Variants in ITPK1 observed in about 807,000 individuals in gnomAD.
ITPK1 encodes inositol-tetrakisphosphate 1-kinase, also known as inositol 1,3,4-trisphosphate 5/6-kinase.
ITPK1 carries 21 observed loss-of-function variants against 45.3 expected under a neutral mutation model. That is an observed-to-expected ratio of 0.46 (90% CI 0.33 to 0.67). The LOEUF is 0.67. ITPK1 is among the 30% of genes least tolerant of loss of function. The probability of loss-of-function intolerance (pLI) is 0.02; values close to 1 mark genes in which losing one functional copy is unlikely to be tolerated. For synonymous variants in ITPK1, 258 were observed against 253.6 expected (o/e 1.02, Z -0.16); for missense variants, 474 against 573.5 (o/e 0.83, Z 1.77).
Position 92,999,215 on chromosome 14 carries a change from G to A in ITPK1, c.247-5218C>T, listed in dbSNP as rs116657044. 8.3e-3 allele frequency among the ~76,000 whole-genome samples: 1,266 copies of A among 152,340 alleles called. 22 individuals are homozygous for A. Among genetic ancestry groups the A allele is most frequent in the African/African-American group, 0.029 (1,193 of 41,582 alleles). On this transcript the variant is annotated intron_variant, in intron 4 of 10. Coordinates refer to ENST00000267615, the MANE Select transcript of ITPK1 (RefSeq NM_014216.6). ...GACTGACCCCTAAGCCAGCAGGGAC[G>A]GCTGCGCACAAGGCAAGTCCTGGCA... is the stretch of plus-strand genomic sequence containing the variant.
chr14:93,086,096 G>A (rs1340331483), intron 2 of ITPK1, among the ~76,000 whole-genome samples: 2 of 152,162 alleles, frequency 1.3e-5, no homozygotes, highest in Admixed American at 6.5e-5. Context: ...TCAGCCTAAT[G>A]AGCAAGGTAG....
chr14:92,972,227 C>T (rs900035221), intron 5 of ITPK1, among the ~76,000 whole-genome samples: 22 of 152,200 alleles, frequency 1.4e-4, no homozygotes, highest in Non-Finnish European at 2.5e-4. Context: ...ATGGGCTGAG[C>T]GCTGTTTCCA....
At chr14:92,976,013 A>G (rs1885921338) in intron 5 of ITPK1, among the ~76,000 whole-genome samples, 1 of 152,174 alleles carries the variant, frequency 6.6e-6, no homozygotes, top group African/African-American at 2.4e-5. Flanking sequence ...CCATGTGAAG[A>G]AGGGCATGTT....
intron 3 of ITPK1, among the ~76,000 whole-genome samples, chr14:93,052,609 C>T (rs564572588): frequency 2.9e-4 from 44 of 152,272 alleles, no homozygotes; most frequent in African/African-American, 9.6e-4. Context: ...GGGCCAGAGA[C>T]GGCCTGAGAG....
chr14:93,001,304 CAAA>C (rs1887342074), intron 4 of ITPK1, among the ~76,000 whole-genome samples: 1 of 147,210 alleles, frequency 6.8e-6, no homozygotes, highest in South Asian at 2.1e-4. Flanking sequence ...GAAAAACAAA[CAAA>C]CAAACAAACA....
intron 3 of ITPK1, among the ~76,000 whole-genome samples, chr14:93,054,498 C>CA (rs1367136418): frequency 1.3e-5 from 2 of 152,062 alleles, no homozygotes; most frequent in Admixed American, 6.5e-5. Flanking sequence ...GGGAAAAAAA[C>CA]AAAAAACCAT....
At chr14:93,105,278 T>G (rs990417419) in intron 2 of ITPK1, among the ~76,000 whole-genome samples, 3 of 152,216 alleles carry the variant, frequency 2.0e-5, no homozygotes, top group Non-Finnish European at 4.4e-5. Flanking sequence ...GGAGGGGACC[T>G]GCCCCTGAGA....
chr14:92,962,327 G>T, intron 7 of ITPK1, 28 bp downstream of exon 7: 1 of 1,569,376 alleles, frequency 6.4e-7, no homozygotes, highest in Non-Finnish European at 8.8e-7. Flanking sequence ...GGGGGTCAGG[G>T]ACAACAGTCA....
intron 3 of ITPK1, chr14:93,070,463 G>A (rs771471933): frequency 7.9e-5 from 12 of 152,412 alleles, no homozygotes; most frequent in Admixed American, 2.0e-4. Flanking sequence ...GATCACAGAC[G>A]ACCAAGGCTC....
intron 3 of ITPK1, among the ~76,000 whole-genome samples, chr14:93,040,095 T>C (rs1889497041): frequency 6.6e-6 from 1 of 152,256 alleles, no homozygotes; most frequent in Non-Finnish European, 1.5e-5. Context: ...GCCAATGTTT[T>C]GTTCTTTTTG....
At chr14:92,964,637 C>G (rs78098738) in intron 5 of ITPK1, among the ~76,000 whole-genome samples, 2,443 of 152,308 alleles carry the variant, frequency 0.016, 78 homozygotes, top group African/African-American at 0.056. Context: ...AGGCTTCGGA[C>G]GGGCGCTCAC....
intron 4 of ITPK1, among the ~76,000 whole-genome samples, chr14:93,007,609 CTCACCTCT>C (rs987533526): frequency 2.0e-5 from 3 of 152,176 alleles, no homozygotes; most frequent in Non-Finnish European, 4.4e-5. Flanking sequence ...CCCTGGGCTC[CTCACCTCT>C]GCATCCAGCC....
At chr14:92,956,706 T>C (rs1019164983) in intron 8 of ITPK1, among the ~76,000 whole-genome samples, 1 of 152,074 alleles carries the variant, frequency 6.6e-6, no homozygotes, top group Non-Finnish European at 1.5e-5. Flanking sequence ...AAGGAGTTGA[T>C]ATAAAATATA....
At position 92,993,888 on chromosome 14, in the gene ITPK1, T is replaced by G; in HGVS notation, c.356A>C (p.Tyr119Ser). Residue 119 changes from tyrosine to serine, a missense_variant, in exon 5 of 11, where the codon TAC becomes TCC. Physicochemically the swap from Tyr to Ser is moderately radical, Grantham distance 144 (BLOSUM62 -2). Coordinates refer to ENST00000267615, the MANE Select transcript of ITPK1 (RefSeq NM_014216.6). ...SYELIRKIEAYMEDDRICSPP... is the reference protein window; with the variant it reads ...SYELIRKIEASMEDDRICSPP... ...GCCACACGTGTCCCTACCTTCCATGTAGGCCTCAATCTTCCGGATGAGCTC... is the reference window on the plus strand; with the variant it reads ...GCCACACGTGTCCCTACCTTCCATGGAGGCCTCAATCTTCCGGATGAGCTC... 1.2e-6 allele frequency: 2 copies of G among 1,603,698 alleles called. No individual in the cohort carries two copies. Among genetic ancestry groups the G allele is most frequent in the East Asian group, 2.2e-5 (1 of 44,800 alleles).
At chr14:93,111,798 T>G (rs1011305708) in intron 2 of ITPK1, among the ~76,000 whole-genome samples, 1 of 145,466 alleles carries the variant, frequency 6.9e-6, no homozygotes. Flanking sequence ...GTGGGAGGGG[T>G]ACAAGAGAAC....
chr14:93,000,974 TAAAA>T (rs201265189), intron 4 of ITPK1, among the ~76,000 whole-genome samples: 1 of 81,916 alleles, frequency 1.2e-5, no homozygotes, highest in Non-Finnish European at 2.5e-5. Context: ...AGACTCCAAC[TAAAA>T]AAAAAAAAAA....
At chr14:92,993,500 C>T (rs1439040585) in intron 5 of ITPK1, among the ~76,000 whole-genome samples, 5 of 152,122 alleles carry the variant, frequency 3.3e-5, no homozygotes, top group Admixed American at 6.5e-5. Flanking sequence ...TGATTAAAGG[C>T]CTTCAGTTTC....
At chr14:92,942,489 A>C (rs1373591470) in intron 10 of ITPK1, among the ~76,000 whole-genome samples, 1 of 152,184 alleles carries the variant, frequency 6.6e-6, no homozygotes, top group Non-Finnish European at 1.5e-5. Flanking sequence ...TGCTTCACAA[A>C]GCAGCTGCCG....
chr14:93,011,861 A>G (rs1256960104), intron 4 of ITPK1, among the ~76,000 whole-genome samples: 1 of 152,070 alleles, frequency 6.6e-6, no homozygotes, highest in Non-Finnish European at 1.5e-5. Flanking sequence ...ATATCTGATC[A>G]TATCACCGCC....
Sources: gnomAD v4.1 joint callset for allele counts (sites outside exome capture counted in the v4.1 genomes callset) on GRCh38, gnomAD v4.1.1 for gene constraint, MANE v1.5 for transcripts, NCBI Gene and HGNC (gene_info 2026-07-23, HGNC 2026-07-21) for gene names.